The following CCNQ variants were observed in gnomAD, a reference collection of about 807,000 sequenced individuals.
CCNQ encodes cyclin-Q.
CCNQ carries 3 observed loss-of-function variants against 17.7 expected under a neutral mutation model. That is an observed-to-expected ratio of 0.17 (90% confidence interval 0.08 to 0.44). The LOEUF (loss-of-function observed/expected upper bound fraction) is 0.44, where lower values mean the gene tolerates loss of function less well. Among genes scored for constraint, CCNQ ranks in the 20% least tolerant of loss-of-function variants. The pLI, the probability that CCNQ is intolerant of heterozygous loss-of-function variation, is 0.99. For missense variants in CCNQ, 146 were observed against 222.6 expected, an observed-to-expected ratio of 0.66 and a Z score of 2.19; for synonymous variants, 73 against 96.0, an observed-to-expected ratio of 0.76 and a Z score of 1.40.
chrX:153,595,756 C>T (rs2091023345), intron 2 of CCNQ, among the ~76,000 whole-genome samples: 1 of 112,764 alleles, frequency 8.9e-6, no homozygotes, highest in Non-Finnish European at 1.9e-5. Flanking sequence ...CCGCCTCTGC[C>T]CTCCATCCAG....
intron 4 of CCNQ, among the ~76,000 whole-genome samples, chrX:153,590,959 C>T (rs1696408677): frequency 1.8e-5 from 2 of 112,070 alleles, no homozygotes; most frequent in Admixed American, 1.9e-4. Flanking sequence ...CATTTCTGAC[C>T]CCGCTACTGT....
At chrX:153,595,282 TA>T (rs1422625872) in intron 2 of CCNQ, among the ~76,000 whole-genome samples, 2 of 110,380 alleles carry the variant, frequency 1.8e-5, no homozygotes, top group East Asian at 2.8e-4. Flanking sequence ...CACGCCCGGC[TA>T]ATTTTTGTAT....
intron 1 of CCNQ, among the ~76,000 whole-genome samples, chrX:153,598,223 C>G (rs1053135247): frequency 8.9e-6 from 1 of 111,858 alleles, no homozygotes; most frequent in Non-Finnish European, 1.9e-5. Flanking sequence ...CAAGACCAGC[C>G]TGGCCAACAT....
chrX:153,594,457 T>G, intron 3 of CCNQ, 90 bp downstream of exon 3: 1 of 1,082,808 alleles, frequency 9.2e-7, no homozygotes. Flanking sequence ...TGCTGTGCTC[T>G]CGAGTATGAG....
chrX:153,589,108 G>A (rs1265668051), intron 4 of CCNQ, among the ~76,000 whole-genome samples: 7 of 112,810 alleles, frequency 6.2e-5, no homozygotes, highest in African/African-American at 9.7e-5. Flanking sequence ...CCGTGTGAGC[G>A]TCTTGGTTTA....
intron 2 of CCNQ, 76 bp downstream of exon 2, chrX:153,595,928 G>A (rs1603162038): frequency 8.8e-7 from 1 of 1,131,035 alleles, no homozygotes; most frequent in East Asian, 3.0e-5. Flanking sequence ...CACCTGGTGG[G>A]CAGGGCCCCA....
At chrX:153,591,924 G>A (rs937350126) in intron 4 of CCNQ, among the ~76,000 whole-genome samples, 9 of 109,276 alleles carry the variant, frequency 8.2e-5, no homozygotes, top group Admixed American at 7.9e-4. Context: ...CAAGGCACAC[G>A]GGCCAGGGAA....
At chrX:153,598,935 G>T in intron 1 of CCNQ, 27 bp downstream of exon 1, 1 of 1,086,003 alleles carries the variant, frequency 9.2e-7, no homozygotes. Context: ...GGCGCCGCCT[G>T]TCCTGGCCTC....
intron 1 of CCNQ, among the ~76,000 whole-genome samples, chrX:153,596,647 G>A (rs782230525): frequency 8.8e-5 from 10 of 112,998 alleles, no homozygotes; most frequent in Non-Finnish European, 1.9e-4. Flanking sequence ...CGACAGAAAA[G>A]AAACGGCCTC....
chrX:153,590,608 C>T (rs1163225103), intron 4 of CCNQ, among the ~76,000 whole-genome samples: 1 of 111,901 alleles, frequency 8.9e-6, no homozygotes, highest in Admixed American at 9.5e-5. Flanking sequence ...TGCACAGCAC[C>T]GTGAATGTGC....
rs1179604657 is a variant in CCNQ at position 153,594,697 on chromosome X, A to G, written c.297-18T>C. On this transcript the variant is annotated intron_variant, in intron 2 of 4. Coordinates refer to ENST00000576892, the MANE Select transcript of CCNQ (RefSeq NM_152274.5). ...TAAAGTACCTGCGCAGAGAAATGGC[A>G]ATGCTTCAGCAGCCAGGGCAGTCTC... The G allele has an allele frequency of 8.3e-7, 1 of 1,211,109 alleles. No homozygotes were observed. The highest frequency in any genetic ancestry group is 1.7e-5 in the African/African-American group (1 of 57,904).
intron 2 of CCNQ, 101 bp from the exon 3 acceptor site, chrX:153,594,780 T>C: frequency 5.5e-6 from 5 of 915,025 alleles, no homozygotes; most frequent in Non-Finnish European, 7.9e-6. Context: ...GCAAACTACA[T>C]CGTCCATCTG....
chrX:153,589,512 G>A (rs1341433457), intron 4 of CCNQ, among the ~76,000 whole-genome samples: 5 of 112,752 alleles, frequency 4.4e-5, no homozygotes, highest in South Asian at 3.6e-4. Flanking sequence ...TCTGAGTTCC[G>A]AGCCCTCCCG....
chrX:153,593,779 G>T (rs1180614880), intron 3 of CCNQ, among the ~76,000 whole-genome samples: 1 of 112,693 alleles, frequency 8.9e-6, no homozygotes, highest in Non-Finnish European at 1.9e-5. Context: ...CCAGTGGACT[G>T]TGTTGGTTTT....
intron 4 of CCNQ, among the ~76,000 whole-genome samples, chrX:153,591,133 G>A (rs2090988490): frequency 9.0e-6 from 1 of 111,616 alleles, no homozygotes; most frequent in Non-Finnish European, 1.9e-5. Flanking sequence ...CGTGAGCTCT[G>A]CAGCACCCGG....
At chrX:153,597,963 A>C (rs2091039338) in intron 1 of CCNQ, among the ~76,000 whole-genome samples, 1 of 110,945 alleles carries the variant, frequency 9.0e-6, no homozygotes, top group Admixed American at 9.6e-5. Context: ...TCTTCTTGCA[A>C]ATTACAGTAA....
At chrX:153,598,844 C>T in intron 1 of CCNQ, 118 bp downstream of exon 1, 1 of 477,781 alleles carries the variant, frequency 2.1e-6, no homozygotes, top group South Asian at 4.9e-5. Context: ...CAGCCCCGAG[C>T]AGGGCTTCCC....
Position 153,592,683 on chromosome X carries a change from G to A in CCNQ, c.480C>T (p.Ser160=). 8.3e-7 allele frequency: 1 copy of A among 1,211,376 alleles called. No homozygotes were observed. Among genetic ancestry groups the A allele is most frequent in the South Asian group, 1.8e-5 (1 of 56,817 alleles). The change falls in exon 4 of 5, where the codon AGC becomes AGT. Residue 160 remains serine, a synonymous_variant. Transcript: ENST00000576892. ...TGACGGCAACAGGGGTCCGCTGCCA[G>A]CTGTGGCGGTTCAGCCAGTTCTGGA... The part of the protein sequence containing the change: ...VSLQNWLNRH[S]WQRTPVAVTA...
intron 4 of CCNQ, among the ~76,000 whole-genome samples, chrX:153,592,200 A>T (rs953652220): frequency 8.9e-6 from 1 of 112,442 alleles, no homozygotes; most frequent in African/African-American, 3.2e-5. Context: ...GTAACCTGTG[A>T]TCACAGTCAA....
Sources: allele counts gnomAD v4.1 joint callset (sites outside exome capture counted in the v4.1 genomes callset), GRCh38; gene constraint gnomAD v4.1.1; transcripts MANE v1.5; gene names NCBI Gene and HGNC (gene_info 2026-07-23, HGNC 2026-07-21).